SARDH: variants seen among roughly 807,000 people sequenced by gnomAD.
The protein encoded by SARDH is sarcosine dehydrogenase, mitochondrial.
SARDH carries 95 observed loss-of-function variants against 109.1 expected under a neutral mutation model. The ratio of observed to expected loss-of-function variants is 0.87; its 90% CI spans 0.74 to 1.03. SARDH has a LOEUF of 1.03. Ranked by LOEUF, SARDH falls within the 50% of genes least tolerant of loss-of-function variation. SARDH has a pLI of 0.00. For synonymous variants in SARDH, 572 were observed against 534.8 expected (o/e 1.07, Z -0.96); for missense variants, 1,267 against 1,287.8 (o/e 0.98, Z 0.25).
At chr9:133,703,083 C>T (rs1588424205) in intron 12 of SARDH, 54 bp from the exon 13 acceptor site, 1 of 1,484,756 alleles carries the variant, frequency 6.7e-7, no homozygotes, top group Admixed American at 1.9e-5. Flanking sequence ...TCCCCGCTTC[C>T]CTCCCCAGAG....
At chr9:133,680,606 T>TCA (rs1830664089) in intron 17 of SARDH, among the ~76,000 whole-genome samples, 1 of 152,102 alleles carries the variant, frequency 6.6e-6, no homozygotes, top group South Asian at 2.1e-4. Context: ...GAGGCAGAGG[T>TCA]CACTGAGGAC....
intron 11 of SARDH, among the ~76,000 whole-genome samples, chr9:133,706,395 T>C (rs1831697529): frequency 6.6e-6 from 1 of 152,182 alleles, no homozygotes; most frequent in South Asian, 2.1e-4. Context: ...TGAAGTGACC[T>C]GAACAGGCAA....
chr9:133,677,596 T>C (rs953285374), intron 17 of SARDH, among the ~76,000 whole-genome samples: 4 of 152,208 alleles, frequency 2.6e-5, no homozygotes, highest in Non-Finnish European at 5.9e-5. Context: ...TGGAGTGACA[T>C]GTCTGTTATT....
Position 133,666,549 on chromosome 9 carries a change from C to A in SARDH, c.2631+186G>T, listed in dbSNP as rs1323732914. Reference sequence around the variant, plus strand: ...TTCCTCTCTCCCCTTTTTCCTTCCCCCTCCTTCTCCTCCTTCCTTCCTCCC... The same window carrying A: ...TTCCTCTCTCCCCTTTTTCCTTCCCACTCCTTCTCCTCCTTCCTTCCTCCC... On this transcript the variant is annotated intron_variant, in intron 20 of 20. Coordinates refer to ENST00000439388, the MANE Select transcript of SARDH (RefSeq NM_001134707.2). This position sits in a 1 kb window ranked among gnomAD's most constrained non-coding sequence, Gnocchi z 5.2. Among the ~76,000 whole-genome samples, 2 of 151,058 alleles carry A rather than the reference C, an allele frequency of 1.3e-5. No homozygotes were observed. The highest frequency in any genetic ancestry group is 3.0e-5 in the Non-Finnish European group (2 of 67,682).
chr9:133,671,111 G>A (rs116983848), intron 18 of SARDH, among the ~76,000 whole-genome samples: 94 of 152,290 alleles, frequency 6.2e-4, no homozygotes, highest in South Asian at 1.0e-3. Context: ...CCCAAAGCCC[G>A]CTCTGAGCCT....
chr9:133,693,006 C>A lies in SARDH; in HGVS notation c.1921+1252G>T, dbSNP rs1449620877. Among the ~76,000 whole-genome samples the A allele has an allele frequency of 1.9e-4, 29 of 152,152 alleles. No individual in the cohort carries two copies. The highest frequency in any genetic ancestry group is 1.9e-3 in the Admixed American group (29 of 15,280). On this transcript the variant is annotated intron_variant, in intron 15 of 20. Coordinates refer to ENST00000439388, the MANE Select transcript of SARDH (RefSeq NM_001134707.2). The surrounding 1 kb of genome is among the most constrained non-coding windows in gnomAD (Gnocchi z 5.6). ...GCAGAACCGCAGAGGCCCAGGAGCC[C>A]CTGCCAGCCCCCAGCCCCGAAGACC...
chr9:133,698,039 ACT>A (rs1831351994), intron 13 of SARDH, among the ~76,000 whole-genome samples: 1 of 150,182 alleles, frequency 6.7e-6, no homozygotes, highest in African/African-American at 2.4e-5. Flanking sequence ...AAGAAAAAAA[ACT>A]GTTAGAACTA....
intron 13 of SARDH, among the ~76,000 whole-genome samples, chr9:133,700,860 G>T (rs1831458789): frequency 1.3e-5 from 2 of 152,136 alleles, no homozygotes; most frequent in South Asian, 2.1e-4. Flanking sequence ...TTCCCCTTCA[G>T]GGCTCAACAT....
chr9:133,720,871 T>C (rs1447025949), intron 6 of SARDH, among the ~76,000 whole-genome samples: 2 of 152,052 alleles, frequency 1.3e-5, no homozygotes, highest in Non-Finnish European at 2.9e-5. Flanking sequence ...GAGAAAGGAA[T>C]CTAAGATGAA....
At chr9:133,708,559 G>A (rs975525527) in intron 10 of SARDH, 131 bp from the exon 11 acceptor site, 2 of 1,192,996 alleles carry the variant, frequency 1.7e-6, no homozygotes, top group Non-Finnish European at 2.3e-6. Flanking sequence ...GCATTGAGCG[G>A]GCCCCTGACT....
intron 3 of SARDH, 65 bp from the exon 4 acceptor site, chr9:133,731,549 C>T: frequency 3.9e-6 from 6 of 1,528,388 alleles, no homozygotes; most frequent in Non-Finnish European, 5.4e-6. Context: ...ACTCCCCTCC[C>T]CAACTGGGCA....
At chr9:133,695,567 G>A (rs1831255173) in intron 14 of SARDH, among the ~76,000 whole-genome samples, 1 of 152,318 alleles carries the variant, frequency 6.6e-6, no homozygotes, top group South Asian at 2.1e-4. Context: ...AGCTGGAAGA[G>A]CAAGGAAGGG....
At chr9:133,690,157 C>T (rs1831039777) in intron 16 of SARDH, among the ~76,000 whole-genome samples, 1 of 152,188 alleles carries the variant, frequency 6.6e-6, no homozygotes, top group African/African-American at 2.4e-5. Context: ...CTGGGGTCCT[C>T]AGTGACTGAA....
chr9:133,733,931 G>T lies in SARDH; in HGVS notation c.243C>A (p.Thr81=), dbSNP rs761161796. 12 of 1,593,678 alleles carry T rather than the reference G, an allele frequency of 7.5e-6. No homozygotes were observed. The highest frequency in any genetic ancestry group is 1.1e-5 in the South Asian group (1 of 87,784). ...VIGGGSLGCQ[T]LYHLAKLGMS... ...TGCCCAGCTTGGCCAGGTGGTACAG[G>T]GTCTGGCAGCCCAAGCTGCCTCCAC... Residue 81 remains threonine, a synonymous_variant, in exon 2 of 21, where the codon ACC becomes ACA. Coordinates refer to ENST00000439388, the MANE Select transcript of SARDH (RefSeq NM_001134707.2).
Position 133,708,401 on chromosome 9 carries a change from G to T in SARDH, c.1356C>A (p.His452Gln), listed in dbSNP as rs567426901. The T allele has an allele frequency of 9.3e-6, 15 of 1,612,194 alleles. No individual in the cohort carries two copies. The African/African-American group carries it at 1.2e-4, about 13-fold the overall frequency. The change falls in exon 11 of 21, where the codon CAC (histidine) becomes CAA (glutamine). Residue 452 changes from histidine to glutamine, a missense_variant. Coordinates refer to ENST00000439388, the MANE Select transcript of SARDH (RefSeq NM_001134707.2). ...IRRFHHSLTD[H>Q]PRWIRERSHE... is the part of the protein sequence containing the mutation. ...GGCTTCGCTCTCGGATCCAGCGGGG[G>T]TGGTCCGTGAGCGAGTGATGGAAGC...
In SARDH at chr9:133,663,967, C is replaced by G. The variant is rs368241220; in HGVS notation, c.2679G>C (p.Met893Ile). Residue 893 changes from methionine to isoleucine, a missense_variant, in exon 21 of 21, where the codon ATG (methionine) becomes ATC (isoleucine). Physicochemically the swap from Met to Ile is conservative, Grantham distance 10. Coordinates refer to ENST00000439388, the MANE Select transcript of SARDH (RefSeq NM_001134707.2). ...GAGCCTGGGCACCATAGGTCACCCC[C>G]ATTCTCTCCAGGGCATAGTCCCCGC... is the stretch of plus-strand genomic sequence containing the variant. ...VKSGDYALER[M>I]GVTYGAQAHL... is the part of the protein sequence containing the mutation. 1 of 1,614,180 alleles carries G rather than the reference C, an allele frequency of 6.2e-7. No individual in the cohort carries two copies. Among genetic ancestry groups the G allele is most frequent in the East Asian group, 2.2e-5 (1 of 44,882 alleles).
rs1247510389 is a variant in SARDH at position 133,728,082 on chromosome 9, G to A, written c.915+1683C>T. ...GGAGGAGGCCTCAGCACTCAGCTCCGACACCCACCGTGTGACTACTCTTAG... is the reference window on the plus strand; with the variant it reads ...GGAGGAGGCCTCAGCACTCAGCTCCAACACCCACCGTGTGACTACTCTTAG... On this transcript the variant is annotated intron_variant, in intron 6 of 20. Coordinates refer to ENST00000439388, the MANE Select transcript of SARDH (RefSeq NM_001134707.2). The surrounding 1 kb of genome is among the most constrained non-coding windows in gnomAD (Gnocchi z 5.0). Among the ~76,000 whole-genome samples, 2 of 152,170 alleles carry A rather than the reference G, an allele frequency of 1.3e-5. No individual in the cohort carries two copies. The highest frequency in any genetic ancestry group is 2.1e-4 in the South Asian group (1 of 4,808).
intron 15 of SARDH, among the ~76,000 whole-genome samples, chr9:133,690,811 G>C (rs556143017): frequency 6.6e-6 from 1 of 152,142 alleles, no homozygotes; most frequent in Non-Finnish European, 1.5e-5. Context: ...CTGGGAGGAC[G>C]GTGTCTTGGG....
rs1831626008 is a variant in SARDH, at chr9:133,704,814, G to A, written c.1554+134C>T. The A allele has an allele frequency of 1.8e-5, 13 of 731,980 alleles. No individual in the cohort carries two copies. The East Asian group carries it at 3.6e-4, about 20-fold the overall frequency. The allele number at this position is 731,980 out of a possible 1,614,324, so 45.3% of individuals were successfully genotyped here. On this transcript the variant is annotated intron_variant, in intron 12 of 20. Coordinates refer to ENST00000439388, the MANE Select transcript of SARDH (RefSeq NM_001134707.2). This position sits in a 1 kb window ranked among gnomAD's most constrained non-coding sequence, Gnocchi z 4.5. Reference sequence around the variant, plus strand: ...GGCAGGGCTCGGCTTCCCGTGTGCAGAATAACTGATCACGACAGTGGAACC... The same window carrying A: ...GGCAGGGCTCGGCTTCCCGTGTGCAAAATAACTGATCACGACAGTGGAACC...
Sources: allele counts gnomAD v4.1 joint callset (sites outside exome capture counted in the v4.1 genomes callset), GRCh38; gene constraint gnomAD v4.1.1; non-coding constraint Gnocchi (gnomAD v3.1); transcripts MANE v1.5; gene names NCBI Gene and HGNC (gene_info 2026-07-23, HGNC 2026-07-21).